The following SCHIP1 variants were observed in gnomAD, a reference collection of about 807,000 sequenced individuals.
The protein encoded by SCHIP1 is schwannomin-interacting protein 1.
Under a neutral mutation model 29.7 loss-of-function variants are expected in SCHIP1, and 8 were observed. The observed-to-expected ratio is 0.27, with a 90% CI of 0.16 to 0.49. The LOEUF (loss-of-function observed/expected upper bound fraction) is 0.49. SCHIP1 is among the 20% of genes least tolerant of loss of function. The pLI is 0.99. For missense variants in SCHIP1, 193 were observed against 294.6 expected, an observed-to-expected ratio of 0.66 and a Z score of 2.52; for synonymous variants, 76 against 94.9, an observed-to-expected ratio of 0.80 and a Z score of 1.16.
chr3:159,765,947 G>A, the SCHIP1 span, among the ~76,000 whole-genome samples: 2 of 152,186 alleles, frequency 1.3e-5, no homozygotes, highest in Admixed American at 1.3e-4. Flanking sequence ...GGAGAGGAGG[G>A]CTGCATCTAT....
At chr3:159,695,489 C>A in the SCHIP1 span, among the ~76,000 whole-genome samples, 1 of 152,294 alleles carries the variant, frequency 6.6e-6, no homozygotes, top group East Asian at 1.9e-4. Flanking sequence ...TGCTCCATCT[C>A]ATACCTGGTT....
chr3:159,379,752 A>T, the SCHIP1 span, among the ~76,000 whole-genome samples: 1 of 151,702 alleles, frequency 6.6e-6, no homozygotes. Flanking sequence ...GACAAAAAGA[A>T]AAGCTGCCTG....
the SCHIP1 span, among the ~76,000 whole-genome samples, chr3:159,740,521 G>C: frequency 6.6e-6 from 1 of 152,062 alleles, no homozygotes; most frequent in East Asian, 1.9e-4. Flanking sequence ...CTGGAGAAGA[G>C]AGACAGAAAG....
chr3:159,324,050 T>A, the SCHIP1 span, among the ~76,000 whole-genome samples: 2 of 152,162 alleles, frequency 1.3e-5, no homozygotes, highest in Non-Finnish European at 2.9e-5. Flanking sequence ...GCAACCTGGC[T>A]TCCTGCAAGT....
chr3:159,572,881 G>T, the SCHIP1 span, among the ~76,000 whole-genome samples: 1 of 149,878 alleles, frequency 6.7e-6, no homozygotes, highest in Non-Finnish European at 1.5e-5. Context: ...TGTCTCTTTT[G>T]ATCTTTGTTG....
At chr3:159,605,865 T>C in the SCHIP1 span, among the ~76,000 whole-genome samples, 2 of 152,146 alleles carry the variant, frequency 1.3e-5, no homozygotes, top group Admixed American at 1.3e-4. Context: ...TCCTAAGGTA[T>C]TGGAGACTCA....
the SCHIP1 span, among the ~76,000 whole-genome samples, chr3:159,800,208 G>C: frequency 1.3e-5 from 2 of 152,266 alleles, no homozygotes; most frequent in African/African-American, 4.8e-5. Flanking sequence ...ACAAAACACA[G>C]ATAACACTCT....
At chr3:159,882,295 T>G (rs1716520496) in intron 2 of SCHIP1, among the ~76,000 whole-genome samples, 1 of 152,164 alleles carries the variant, frequency 6.6e-6, no homozygotes. Flanking sequence ...TACTTTAAAA[T>G]TCAATGCAAC....
At chr3:159,828,382 T>C in the SCHIP1 span, among the ~76,000 whole-genome samples, 160 of 81,788 alleles carry the variant, frequency 2.0e-3, 2 homozygotes, top group African/African-American at 7.5e-3. Flanking sequence ...TATACATATA[T>C]ATATACATAT....
the SCHIP1 span, among the ~76,000 whole-genome samples, chr3:159,345,381 A>ATGAC: frequency 6.6e-6 from 1 of 152,314 alleles, no homozygotes; most frequent in South Asian, 2.1e-4. Context: ...TAAAAACGAT[A>ATGAC]TGACTATTGT....
Position 159,888,737 on chromosome 3 carries a change from CT to C in SCHIP1, c.466-79del, listed in dbSNP as rs1242137147. 3.8e-5 allele frequency: 59 copies of C among 1,552,852 alleles called. No homozygotes were observed. In the East Asian group the frequency reaches 1.3e-3, roughly 35 times the overall value. Reference sequence around the variant, plus strand: ...AATTGCAGTGGGTGGGTGAGTGGGTCTTTTAAGAGAAAACTGGGTCTTAACG... The same window carrying C: ...AATTGCAGTGGGTGGGTGAGTGGGTCTTTAAGAGAAAACTGGGTCTTAACG... On this transcript the variant is annotated intron_variant, in intron 4 of 6. Coordinates refer to ENST00000445224, the Ensembl canonical transcript of SCHIP1.
the SCHIP1 span, among the ~76,000 whole-genome samples, chr3:159,393,462 C>G: frequency 0.03 from 4,566 of 152,104 alleles, 258 homozygotes; most frequent in African/African-American, 0.11. Context: ...ACATGTAAGT[C>G]TTTAATCCAT....
chr3:159,535,292 C>G, the SCHIP1 span, among the ~76,000 whole-genome samples: 1 of 152,130 alleles, frequency 6.6e-6, no homozygotes, highest in Non-Finnish European at 1.5e-5. Context: ...ATTCACCAGC[C>G]CATCATTCTT....
At chr3:159,878,575 G>A (rs1255999258) in intron 2 of SCHIP1, among the ~76,000 whole-genome samples, 4 of 151,568 alleles carry the variant, frequency 2.6e-5, no homozygotes, top group South Asian at 2.1e-4. Flanking sequence ...TCAGGAGATC[G>A]AGACCATCCC....
chr3:159,581,977 T>A, the SCHIP1 span, among the ~76,000 whole-genome samples: 3 of 152,184 alleles, frequency 2.0e-5, no homozygotes, highest in Non-Finnish European at 4.4e-5. Flanking sequence ...TCTTCACAAT[T>A]GGAGAAATAA....
chr3:159,397,390 A>T, the SCHIP1 span, among the ~76,000 whole-genome samples: 2 of 152,108 alleles, frequency 1.3e-5, no homozygotes, highest in South Asian at 4.2e-4. Flanking sequence ...GGAGGAGGAG[A>T]GGCGCTCTGC....
At chr3:159,320,191 A>T in the SCHIP1 span, among the ~76,000 whole-genome samples, 1 of 152,234 alleles carries the variant, frequency 6.6e-6, no homozygotes, top group Non-Finnish European at 1.5e-5. Flanking sequence ...CTGTTATTAA[A>T]CAAAGAAAAA....
At chr3:159,626,128 AGATAGATAGATATATC>A in the SCHIP1 span, among the ~76,000 whole-genome samples, 3 of 121,622 alleles carry the variant, frequency 2.5e-5, no homozygotes, top group African/African-American at 1.6e-4. Flanking sequence ...ATAGATAGAT[AGATAGATAGATATATC>A]TAGATATATA....
At chr3:159,491,390 C>T in the SCHIP1 span, among the ~76,000 whole-genome samples, 16 of 152,332 alleles carry the variant, frequency 1.1e-4, no homozygotes, top group East Asian at 5.8e-4. Flanking sequence ...CCTGGAACAT[C>T]GGGTCACTCC....
Sources: allele counts gnomAD v4.1 joint callset (sites outside exome capture counted in the v4.1 genomes callset), GRCh38; gene constraint gnomAD v4.1.1; transcripts MANE v1.5; gene names NCBI Gene and HGNC (gene_info 2026-07-23, HGNC 2026-07-21).